Variants in PAPPA observed in about 807,000 individuals in gnomAD.
The protein encoded by PAPPA is pappalysin-1.
In PAPPA, 60 loss-of-function variants were observed where a neutral mutation model predicts 164.0. The ratio of observed to expected loss-of-function variants is 0.37; its 90% CI spans 0.30 to 0.45. The LOEUF is 0.45. PAPPA is among the 20% of genes least tolerant of loss of function. PAPPA has a pLI of 1.00. For synonymous variants in PAPPA, 875 were observed against 814.1 expected (o/e 1.07, Z -1.27); for missense variants, 1,782 against 2,087.3 (o/e 0.85, Z 2.85).
At chr9:116,369,592 G>C (rs1041017072) in intron 19 of PAPPA, among the ~76,000 whole-genome samples, 5 of 152,160 alleles carry the variant, frequency 3.3e-5, no homozygotes, top group Non-Finnish European at 5.9e-5. Flanking sequence ...CCCAGTATCA[G>C]AGATCTTCTT....
chr9:116,290,365 CTT>C lies in PAPPA; in HGVS notation c.2954-12380_2954-12379del, dbSNP rs5900198. ...CATTTTGCTGATCATGTTTCTCCATCTTTTTTTTTTTTTCATGTTTCCCCTCT... is the reference window on the plus strand; with the variant it reads ...CATTTTGCTGATCATGTTTCTCCATCTTTTTTTTTTTCATGTTTCCCCTCT... On this transcript the variant is annotated intron_variant, in intron 9 of 21. Coordinates refer to ENST00000328252, the MANE Select transcript of PAPPA (RefSeq NM_002581.5). 3.9e-3 allele frequency among the ~76,000 whole-genome samples: 567 copies of C among 147,250 alleles called. 2 individuals are homozygous for C. The highest frequency in any genetic ancestry group is 0.014 in the Middle Eastern group (4 of 286).
intron 19 of PAPPA, 30 bp downstream of exon 19, chr9:116,367,784 C>A: frequency 4.9e-6 from 7 of 1,422,080 alleles, no homozygotes; most frequent in Non-Finnish European, 6.0e-6. Context: ...TACCCACCTG[C>A]AGCTAAGGGG....
At chr9:116,157,899 C>G (rs996192297) in intron 1 of PAPPA, among the ~76,000 whole-genome samples, 13 of 152,278 alleles carry the variant, frequency 8.5e-5, no homozygotes, top group Admixed American at 4.6e-4. Flanking sequence ...AACTGCCCCC[C>G]CAACACCCCT....
At chr9:116,219,898 T>TG in intron 4 of PAPPA, 39 bp from the exon 5 acceptor site, 1 of 1,547,262 alleles carries the variant, frequency 6.5e-7, no homozygotes, top group South Asian at 1.2e-5. Flanking sequence ...CTGCCTGCCT[T>TG]GCGGCTTGGT....
Position 116,227,851 on chromosome 9 carries a change from A to G in PAPPA, c.2233+299A>G, listed in dbSNP as rs182929997. Among the ~76,000 whole-genome samples, 315 of 152,312 alleles carry G rather than the reference A, an allele frequency of 2.1e-3. 1 individual carries two copies. Among genetic ancestry groups the G allele is most frequent in the African/African-American group, 7.3e-3 (304 of 41,572 alleles). ...AACACAGTGTCTTGGGGGTATTTAT[A>G]TATCCTTCAGACCCCAACTGCTTGT... is the stretch of plus-strand genomic sequence containing the variant. On this transcript the variant is annotated intron_variant, in intron 6 of 21. Transcript: ENST00000328252.
Position 116,232,213 on chromosome 9 carries a change from T to C in PAPPA, c.2234-2926T>C, listed in dbSNP as rs75747702. Among the ~76,000 whole-genome samples the C allele has an allele frequency of 7.8e-3, 1,191 of 152,270 alleles. 6 individuals are homozygous for C. The highest frequency in any genetic ancestry group is 0.012 in the Non-Finnish European group (823 of 68,024). On this transcript the variant is annotated intron_variant, in intron 6 of 21. Transcript: ENST00000328252. ...CTACTTAGCTTACCAGCCTCAGCAT[T>C]TGTTGCTCTACAATTGCACTTGAAA...
At chr9:116,331,162 C>T (rs1588006989) in intron 10 of PAPPA, 82 bp from the exon 11 acceptor site, 2 of 858,296 alleles carry the variant, frequency 2.3e-6, no homozygotes, top group East Asian at 5.1e-5. Flanking sequence ...AATAGGTGAA[C>T]AGTAAAGGTT....
chr9:116,396,382 G>T, intron 21 of PAPPA, 127 bp from the exon 22 acceptor site: 1 of 707,978 alleles, frequency 1.4e-6, no homozygotes, highest in East Asian at 2.5e-5. Flanking sequence ...ATAGCAAGAA[G>T]CAGAGCCATA....
At chr9:116,355,372 G>A (rs1360245216) in intron 17 of PAPPA, among the ~76,000 whole-genome samples, 2 of 152,190 alleles carry the variant, frequency 1.3e-5, no homozygotes, top group African/African-American at 4.8e-5. Context: ...GACACAGCTG[G>A]CATCGGCTGA....
chr9:116,179,719 G>A (rs1480772649), intron 1 of PAPPA, among the ~76,000 whole-genome samples: 1 of 152,152 alleles, frequency 6.6e-6, no homozygotes. Flanking sequence ...ACTGAACCAA[G>A]TGCAGGGACC....
chr9:116,377,096 G>T (rs1415902458), intron 19 of PAPPA, among the ~76,000 whole-genome samples: 1 of 152,046 alleles, frequency 6.6e-6, no homozygotes, highest in African/African-American at 2.4e-5. Context: ...TGATGAAAGT[G>T]GTCTTCAGCT....
chr9:116,364,846 T>C (rs1846479070), intron 18 of PAPPA, among the ~76,000 whole-genome samples: 1 of 152,156 alleles, frequency 6.6e-6, no homozygotes, highest in African/African-American at 2.4e-5. Flanking sequence ...TATATGATAT[T>C]GCAGCCTGAA....
intron 2 of PAPPA, 29 bp from the exon 3 acceptor site, chr9:116,207,427 T>C (rs1331351962): frequency 6.3e-6 from 10 of 1,589,438 alleles, no homozygotes; most frequent in African/African-American, 1.4e-5. Context: ...GGGGGCATGA[T>C]AACAGCCAAG....
intron 2 of PAPPA, among the ~76,000 whole-genome samples, chr9:116,199,358 A>G (rs1844144421): frequency 6.6e-6 from 1 of 152,350 alleles, no homozygotes; most frequent in African/African-American, 2.4e-5. Flanking sequence ...AAAGAAAAAT[A>G]CTACAGGAGA....
Position 116,362,739 on chromosome 9 carries a change from G to A in PAPPA, c.4495G>A (p.Gly1499Arg). The A allele has an allele frequency of 6.2e-7, 1 of 1,612,514 alleles. No homozygotes were observed. The highest frequency in any genetic ancestry group is 8.5e-7 in the Non-Finnish European group (1 of 1,179,180). The change falls in exon 18 of 22, where the codon GGG (glycine) becomes AGG (arginine). Residue 1499 changes from glycine (G) to arginine (R), a missense_variant and splice_region_variant. By Grantham distance (125) the Gly-to-Arg change is moderately radical. Transcript: ENST00000328252. ...KLQCPDGYAIGSECATSCLDH... is the reference protein window; with the variant it reads ...KLQCPDGYAIRSECATSCLDH... ...GCAGTGCCCTGATGGCTATGCCATA[G>A]GTATGATGGGCCCGAGAGGGGAGCA...
intron 10 of PAPPA, among the ~76,000 whole-genome samples, chr9:116,304,764 G>A (rs956684314): frequency 6.6e-6 from 1 of 152,018 alleles, no homozygotes; most frequent in African/African-American, 2.4e-5. Context: ...CTAGCTCTTC[G>A]ATCTACAAAG....
intron 1 of PAPPA, among the ~76,000 whole-genome samples, chr9:116,165,888 CA>C (rs1461748246): frequency 3.9e-5 from 6 of 152,200 alleles, no homozygotes; most frequent in African/African-American, 1.4e-4. Context: ...ATGCTTTCTG[CA>C]CACTTTTATC....
At chr9:116,208,372 CT>C (rs11356029) in intron 3 of PAPPA, among the ~76,000 whole-genome samples, 70,692 of 151,938 alleles carry the variant, frequency 0.47, 16,993 homozygotes, top group East Asian at 0.66. Context: ...ATGCTATCTA[CT>C]TTTTTTTCCA....
intron 21 of PAPPA, among the ~76,000 whole-genome samples, chr9:116,388,712 A>T (rs1176898023): frequency 6.6e-6 from 1 of 152,176 alleles, no homozygotes; most frequent in Non-Finnish European, 1.5e-5. Flanking sequence ...TTCCTGGATG[A>T]GTTGGTCATT....
Sources: allele counts gnomAD v4.1 joint callset (sites outside exome capture counted in the v4.1 genomes callset), GRCh38; gene constraint gnomAD v4.1.1; transcripts MANE v1.5; gene names NCBI Gene and HGNC (gene_info 2026-07-23, HGNC 2026-07-21).